Variants in NAV3 observed in about 807,000 individuals in gnomAD.
NAV3 encodes pore membrane and/or filament interacting like protein 1.
Under a neutral mutation model 244.7 loss-of-function variants are expected in NAV3, and 87 were observed. That is an observed-to-expected ratio of 0.36 (90% CI 0.30 to 0.42). NAV3 has a LOEUF of 0.42. Among genes scored for constraint, NAV3 ranks in the 20% least tolerant of loss-of-function variants. The pLI is 1.00. For missense variants in NAV3, 2,663 were observed against 2,893.3 expected (o/e 0.92, Z 1.83); for synonymous variants, 1,126 against 1,042.2 (o/e 1.08, Z -1.55).
chr12:77,584,871 A>T (rs914622079), intron 2 of NAV3, among the ~76,000 whole-genome samples: 1 of 152,162 alleles, frequency 6.6e-6, no homozygotes, highest in Admixed American at 6.5e-5. Flanking sequence ...TGTAGGGTAA[A>T]AGGATTGTCA....
At chr12:77,899,812 A>G (rs907922329) in intron 1 of NAV3, among the ~76,000 whole-genome samples, 1 of 152,216 alleles carries the variant, frequency 6.6e-6, no homozygotes, top group Non-Finnish European at 1.5e-5. Flanking sequence ...GAAACCCATC[A>G]TTTAACCAAC....
chr12:77,971,609 G>C (rs965301581), intron 5 of NAV3, among the ~76,000 whole-genome samples: 19 of 152,010 alleles, frequency 1.2e-4, no homozygotes, highest in Non-Finnish European at 1.8e-4. Flanking sequence ...AGTATCTATG[G>C]GTTAGAACCA....
intron 24 of NAV3, among the ~76,000 whole-genome samples, chr12:78,172,218 A>G (rs1958030080): frequency 6.6e-6 from 1 of 151,676 alleles, no homozygotes; most frequent in Non-Finnish European, 1.5e-5. Context: ...TCCTTAAGAT[A>G]TACCAAATAT....
chr12:77,592,042 G>A (rs970830562), intron 2 of NAV3, among the ~76,000 whole-genome samples: 1 of 150,408 alleles, frequency 6.6e-6, no homozygotes, highest in Non-Finnish European at 1.5e-5. Flanking sequence ...TTAATGGGCA[G>A]GCACCACAGG....
At chr12:77,642,393 G>C (rs1294564177) in intron 2 of NAV3, among the ~76,000 whole-genome samples, 1 of 152,020 alleles carries the variant, frequency 6.6e-6, no homozygotes, top group Non-Finnish European at 1.5e-5. Flanking sequence ...GGGCTTTCCT[G>C]TTATTATTTT....
intron 2 of NAV3, among the ~76,000 whole-genome samples, chr12:77,621,942 G>T (rs183142686): frequency 6.6e-6 from 1 of 152,270 alleles, no homozygotes; most frequent in East Asian, 1.9e-4. Flanking sequence ...TAAGTCTTGG[G>T]TTAATATAGT....
At chr12:77,732,680 A>T (rs1267694491) in intron 2 of NAV3, among the ~76,000 whole-genome samples, 1 of 152,040 alleles carries the variant, frequency 6.6e-6, no homozygotes. Flanking sequence ...GGTAACAATG[A>T]GGCACATATA....
intron 23 of NAV3, among the ~76,000 whole-genome samples, chr12:78,159,814 A>G (rs1957451363): frequency 6.6e-6 from 1 of 152,140 alleles, no homozygotes; most frequent in Non-Finnish European, 1.5e-5. Flanking sequence ...CAGTCTATTA[A>G]TTTACTTCTG....
chr12:77,976,666 C>CTTTTTTTTTTTTT (rs1295751885), intron 5 of NAV3, among the ~76,000 whole-genome samples: 3 of 58,062 alleles, frequency 5.2e-5, no homozygotes, highest in Admixed American at 2.5e-4. Flanking sequence ...TTCTTTCTTT[C>CTTTTTTTTTTTTT]TTTTTTTCTT....
intron 1 of NAV3, among the ~76,000 whole-genome samples, chr12:77,910,224 T>G (rs1886440071): frequency 6.6e-6 from 1 of 152,072 alleles, no homozygotes; most frequent in Non-Finnish European, 1.5e-5. Flanking sequence ...TGCCAGCATC[T>G]GCTTCTGATG....
At chr12:77,777,943 C>T (rs938676694) in intron 2 of NAV3, among the ~76,000 whole-genome samples, 1 of 151,830 alleles carries the variant, frequency 6.6e-6, no homozygotes, top group African/African-American at 2.4e-5. Flanking sequence ...GTAACTGGGA[C>T]TACAGGTACG....
At chr12:78,168,974 A>AACTAGTATGTAT in intron 24 of NAV3, 108 bp downstream of exon 24, 1 of 638,714 alleles carries the variant, frequency 1.6e-6, no homozygotes, top group Non-Finnish European at 2.7e-6. Context: ...TTATTAATAC[A>AACTAGTATGTAT]TACTAGTTGT....
At chr12:78,188,553 G>T (rs974838443) in intron 32 of NAV3, 56 bp from the exon 33 acceptor site, 73 of 1,527,452 alleles carry the variant, frequency 4.8e-5, no homozygotes, top group Non-Finnish European at 6.3e-5. Flanking sequence ...TTATGTATTT[G>T]TTGTAGATGA....
At chr12:77,629,546 C>A (rs1241689259) in intron 2 of NAV3, among the ~76,000 whole-genome samples, 24 of 152,162 alleles carry the variant, frequency 1.6e-4, no homozygotes, top group Non-Finnish European at 1.5e-5. Flanking sequence ...CTATCTGGTT[C>A]TCTTTATCTC....
At chr12:78,094,855 T>C (rs568468942) in intron 12 of NAV3, among the ~76,000 whole-genome samples, 143 of 151,942 alleles carry the variant, frequency 9.4e-4, no homozygotes, top group African/African-American at 3.0e-3. Flanking sequence ...GAGACCATCC[T>C]GGCCAACATG....
chr12:77,938,108 C>T (rs548823491), intron 1 of NAV3, among the ~76,000 whole-genome samples: 1 of 152,122 alleles, frequency 6.6e-6, no homozygotes, highest in Non-Finnish European at 1.5e-5. Flanking sequence ...CAACCCATGG[C>T]CCCAGTCTTT....
At chr12:77,665,591 T>C (rs182457520) in intron 2 of NAV3, among the ~76,000 whole-genome samples, 3 of 152,214 alleles carry the variant, frequency 2.0e-5, no homozygotes, top group Non-Finnish European at 2.9e-5. Flanking sequence ...GATCTCATAA[T>C]GTCTTTAAAA....
intron 17 of NAV3, among the ~76,000 whole-genome samples, chr12:78,127,798 A>G (rs1054104044): frequency 2.6e-5 from 4 of 152,168 alleles, no homozygotes; most frequent in Non-Finnish European, 2.9e-5. Context: ...TTTAATTTCT[A>G]TTTTGCAGGG....
At chr12:77,888,044 A>G (rs1883500548) in intron 1 of NAV3, among the ~76,000 whole-genome samples, 1 of 151,532 alleles carries the variant, frequency 6.6e-6, no homozygotes, top group Non-Finnish European at 1.5e-5. Context: ...TCTGGAATGA[A>G]TTCCTTAAGT....
Sources: gnomAD v4.1 joint callset for allele counts (sites outside exome capture counted in the v4.1 genomes callset) on GRCh38, gnomAD v4.1.1 for gene constraint, MANE v1.5 for transcripts, NCBI Gene and HGNC (gene_info 2026-07-23, HGNC 2026-07-21) for gene names.